Variants in CDH12 observed in about 807,000 individuals in gnomAD.
CDH12 encodes cadherin-12.
Under a neutral mutation model 74.1 loss-of-function variants are expected in CDH12, and 41 were observed. That is an observed-to-expected ratio of 0.55 (90% CI 0.43 to 0.72). The LOEUF is 0.72. Among genes scored for constraint, CDH12 ranks in the 30% least tolerant of loss-of-function variants. The pLI is 0.00. For synonymous variants in CDH12, 399 were observed against 355.0 expected, an observed-to-expected ratio of 1.12 and a Z score of -1.39; for missense variants, 945 against 977.2, an observed-to-expected ratio of 0.97 and a Z score of 0.44.
chr5:22,051,562 C>T (rs972945826), intron 5 of CDH12, among the ~76,000 whole-genome samples: 1 of 152,062 alleles, frequency 6.6e-6, no homozygotes, highest in Non-Finnish European at 1.5e-5. Flanking sequence ...AGAACAGTGA[C>T]CTTGGTCACG....
At chr5:22,780,792 T>C (rs1435569260) in intron 1 of CDH12, among the ~76,000 whole-genome samples, 2 of 152,266 alleles carry the variant, frequency 1.3e-5, no homozygotes, top group Non-Finnish European at 2.9e-5. Context: ...TTTTTAAGTG[T>C]GATCTATAGA....
At chr5:22,129,182 G>T (rs1180625198) in intron 4 of CDH12, among the ~76,000 whole-genome samples, 1 of 152,170 alleles carries the variant, frequency 6.6e-6, no homozygotes, top group Non-Finnish European at 1.5e-5. Flanking sequence ...AGTGAGAAGG[G>T]TTAGGATTTC....
intron 2 of CDH12, among the ~76,000 whole-genome samples, chr5:22,457,538 T>G (rs192760456): frequency 0.01 from 1,222 of 117,108 alleles, no homozygotes; most frequent in Middle Eastern, 0.029. Flanking sequence ...TCCTGCCTCA[T>G]CCTCCTGGGT....
intron 1 of CDH12, among the ~76,000 whole-genome samples, chr5:22,698,406 C>T (rs1174987422): frequency 6.6e-6 from 1 of 151,018 alleles, no homozygotes; most frequent in African/African-American, 2.4e-5. Context: ...CAGGAGTGAG[C>T]CACCGTGTCT....
At position 21,807,853 on chromosome 5, in the gene CDH12, T is replaced by C. The variant is rs529780919; in HGVS notation, c.1003-5433A>G. On this transcript the variant is annotated intron_variant, in intron 9 of 14. Coordinates refer to ENST00000382254, the MANE Select transcript of CDH12 (RefSeq NM_004061.5). ...TTAAGTTTAATGGAAAAATAAGTTGTGCATATATAATTAGGGTCCCTAATC... is the reference window on the plus strand; with the variant it reads ...TTAAGTTTAATGGAAAAATAAGTTGCGCATATATAATTAGGGTCCCTAATC... Among the ~76,000 whole-genome samples the C allele has an allele frequency of 7.2e-5, 11 of 152,248 alleles. No individual in the cohort carries two copies. In the South Asian group the frequency reaches 2.1e-3, roughly 29 times the overall value.
chr5:21,975,351 A>T lies in CDH12; in HGVS notation c.266T>A (p.Val89Glu). The change falls in exon 6 of 15, where the codon GTG becomes GAG. Residue 89 changes from valine to glutamate, a missense_variant. Transcript: ENST00000382254. ...HSDLDKGEGT[V>E]KYTLSGDGAG... ...GCCATCTCCTGAGAGGGTGTATTTC[A>T]CAGTGCCCTCTCCCTTGTCTAAGTC... is the stretch of plus-strand genomic sequence containing the variant. 1 of 1,597,020 alleles carries T rather than the reference A, an allele frequency of 6.3e-7. No homozygotes were observed. Among genetic ancestry groups the T allele is most frequent in the African/African-American group, 1.3e-5 (1 of 74,898 alleles).
intron 4 of CDH12, among the ~76,000 whole-genome samples, chr5:22,208,882 A>G (rs6878873): frequency 0.067 from 10,240 of 152,318 alleles, 463 homozygotes; most frequent in South Asian, 0.15. Flanking sequence ...TAATGTGTAC[A>G]TATACTTTGT....
At chr5:22,576,892 G>A (rs187532636) in intron 1 of CDH12, among the ~76,000 whole-genome samples, 49 of 152,054 alleles carry the variant, frequency 3.2e-4, no homozygotes, top group East Asian at 2.9e-3. Context: ...TTTGCTTTAC[G>A]AAACCTTACT....
intron 8 of CDH12, among the ~76,000 whole-genome samples, chr5:21,828,962 G>A: frequency 1.2e-5 from 1 of 84,776 alleles, no homozygotes; most frequent in Non-Finnish European, 2.2e-5. Context: ...GGTATATATT[G>A]TTTTTACTCC....
At chr5:22,510,312 G>A (rs374038084) in intron 1 of CDH12, among the ~76,000 whole-genome samples, 1 of 151,844 alleles carries the variant, frequency 6.6e-6, no homozygotes, top group African/African-American at 2.4e-5. Flanking sequence ...AACCCAAGAA[G>A]TTAATAGACT....
chr5:22,077,650 T>G (rs1387189317), intron 5 of CDH12, among the ~76,000 whole-genome samples: 1 of 152,138 alleles, frequency 6.6e-6, no homozygotes, highest in Non-Finnish European at 1.5e-5. Flanking sequence ...AATTTTTTTT[T>G]GGTGTGGTGG....
intron 1 of CDH12, among the ~76,000 whole-genome samples, chr5:22,628,954 T>C (rs1182628318): frequency 2.6e-5 from 4 of 151,276 alleles, no homozygotes; most frequent in Non-Finnish European, 5.9e-5. Flanking sequence ...AAAAAATCTC[T>C]CAGACACTAT....
Position 22,425,144 on chromosome 5 carries a change from T to TGC in CDH12, c.-427-19794_-427-19793insGC, listed in dbSNP as rs1743850799. Among the ~76,000 whole-genome samples the TGC allele has an allele frequency of 5.5e-4, 26 of 47,014 alleles. No homozygotes were observed. In the South Asian group the frequency reaches 0.013, roughly 23 times the overall value. 30.8% of individuals were successfully genotyped at this position (47,014 alleles called of 152,430 possible). ...TGATATATATGTAAAATTATATATA[T>TGC]GTGTGTGTGTATATATATATATATA... On this transcript the variant is annotated intron_variant, in intron 2 of 14. Transcript: ENST00000382254.
intron 4 of CDH12, among the ~76,000 whole-genome samples, chr5:22,158,406 T>C (rs1473997541): frequency 1.3e-5 from 2 of 152,070 alleles, no homozygotes; most frequent in Non-Finnish European, 2.9e-5. Flanking sequence ...GTTGTCTTGT[T>C]AAGTGATGCA....
chr5:22,179,017 G>A (rs1310042766), intron 4 of CDH12, among the ~76,000 whole-genome samples: 5 of 152,228 alleles, frequency 3.3e-5, no homozygotes, highest in African/African-American at 1.2e-4. Flanking sequence ...TTAAAATGCA[G>A]TTTTATCATC....
chr5:22,798,108 C>A (rs942629782), intron 1 of CDH12, among the ~76,000 whole-genome samples: 5 of 152,098 alleles, frequency 3.3e-5, no homozygotes, highest in Non-Finnish European at 7.4e-5. Flanking sequence ...ATATATTATT[C>A]TTATCCCCTG....
intron 4 of CDH12, among the ~76,000 whole-genome samples, chr5:22,167,466 T>C (rs1470510204): frequency 1.3e-5 from 2 of 152,028 alleles, no homozygotes; most frequent in Admixed American, 1.3e-4. Flanking sequence ...CTCTGGGGAG[T>C]TATAACTTTA....
At chr5:22,452,096 C>T (rs541190374) in intron 2 of CDH12, among the ~76,000 whole-genome samples, 7 of 151,876 alleles carry the variant, frequency 4.6e-5, no homozygotes, top group African/African-American at 1.7e-4. Flanking sequence ...ATGAAAATAT[C>T]TTCCAAGTTT....
intron 1 of CDH12, among the ~76,000 whole-genome samples, chr5:22,726,146 TATC>T: frequency 6.6e-6 from 1 of 151,884 alleles, no homozygotes; most frequent in Non-Finnish European, 1.5e-5. Context: ...ATCATGATAA[TATC>T]ATACAGAGTA....
Sources: allele counts gnomAD v4.1 joint callset (sites outside exome capture counted in the v4.1 genomes callset), GRCh38; gene constraint gnomAD v4.1.1; transcripts MANE v1.5; gene names NCBI Gene and HGNC (gene_info 2026-07-23, HGNC 2026-07-21).